The following NPAS2 variants were observed in gnomAD, a reference collection of about 807,000 sequenced individuals.
NPAS2 encodes neuronal PAS domain-containing protein 2.
Under a neutral mutation model 107.5 loss-of-function variants are expected in NPAS2, and 23 were observed. That is an observed-to-expected ratio of 0.21 (90% confidence interval 0.15 to 0.30). The LOEUF is 0.30. Among genes scored for constraint, NPAS2 ranks in the 10% least tolerant of loss-of-function variants. The probability of loss-of-function intolerance (pLI) is 1.00; values close to 1 mark genes in which losing one functional copy is unlikely to be tolerated. For synonymous variants in NPAS2, 403 were observed against 417.5 expected, an observed-to-expected ratio of 0.97 and a Z score of 0.42; for missense variants, 756 against 1,043.3, an observed-to-expected ratio of 0.72 and a Z score of 3.79.
At chr2:100,870,931 G>C (rs1487217492) in intron 1 of NPAS2, among the ~76,000 whole-genome samples, 1 of 152,198 alleles carries the variant, frequency 6.6e-6, no homozygotes, top group Non-Finnish European at 1.5e-5. Flanking sequence ...TGGCACCTTG[G>C]ACTTTGGACC....
chr2:100,945,110 G>T (rs187283304), intron 5 of NPAS2, among the ~76,000 whole-genome samples: 1 of 152,350 alleles, frequency 6.6e-6, no homozygotes, highest in East Asian at 1.9e-4. Context: ...GAGAAAGCCA[G>T]AATGAGAAAT....
intron 2 of NPAS2, among the ~76,000 whole-genome samples, chr2:100,916,592 A>G (rs951071182): frequency 2.0e-5 from 3 of 152,210 alleles, no homozygotes; most frequent in Non-Finnish European, 2.9e-5. Context: ...ACAAAGCTTC[A>G]AAGTACAGGA....
intron 1 of NPAS2, chr2:100,877,924 A>G: frequency 3.1e-6 from 3 of 969,794 alleles, no homozygotes; most frequent in African/African-American, 1.8e-5. Context: ...TGAAATTATC[A>G]AACAGTAAAC....
At chr2:100,963,240 G>A (rs960477483) in intron 7 of NPAS2, among the ~76,000 whole-genome samples, 1 of 152,328 alleles carries the variant, frequency 6.6e-6, no homozygotes, top group East Asian at 1.9e-4. Flanking sequence ...CCAAGACAGG[G>A]GCAGGGAAGG....
At chr2:100,958,545 G>A (rs998741002) in intron 7 of NPAS2, among the ~76,000 whole-genome samples, 1 of 152,274 alleles carries the variant, frequency 6.6e-6, no homozygotes, top group Non-Finnish European at 1.5e-5. Context: ...TGCTGCCAGA[G>A]AGATCGCAGG....
At chr2:100,883,639 C>T (rs1195184897) in intron 1 of NPAS2, among the ~76,000 whole-genome samples, 1 of 152,118 alleles carries the variant, frequency 6.6e-6, no homozygotes, top group African/African-American at 2.4e-5. Flanking sequence ...GTTCTTAGCA[C>T]CCTTCCCCAT....
chr2:100,860,264 G>A (rs930160869), intron 1 of NPAS2, among the ~76,000 whole-genome samples: 1 of 152,282 alleles, frequency 6.6e-6, no homozygotes, highest in African/African-American at 2.4e-5. Context: ...TTTGTCTTAT[G>A]TGTTCTAATG....
rs1558921855 is a variant in NPAS2, at chr2:100,968,533, G to T, written c.1055+105G>T. The T allele has an allele frequency of 9.0e-7, 1 of 1,106,158 alleles. No individual in the cohort carries two copies. The highest frequency in any genetic ancestry group is 1.6e-5 in the African/African-American group (1 of 63,678). The allele number at this position is 1,106,158 out of a possible 1,614,324, so 68.5% of individuals were successfully genotyped here. ...CCAAGTCAGATCAGCAGTCACTCAG[G>T]TGTTCCCCATTTCGAAGATGAAGCC... On this transcript the variant is annotated intron_variant, in intron 11 of 20. Transcript: ENST00000335681. The surrounding 1 kb of genome is among the most constrained non-coding windows in gnomAD (Gnocchi z 5.3).
intron 1 of NPAS2, among the ~76,000 whole-genome samples, chr2:100,895,680 C>A (rs967790905): frequency 6.6e-6 from 1 of 152,142 alleles, no homozygotes; most frequent in African/African-American, 2.4e-5. Context: ...GGTCTGTTTA[C>A]TGGGCCTGGC....
chr2:100,888,584 A>T (rs996102109), intron 1 of NPAS2, among the ~76,000 whole-genome samples: 2 of 152,138 alleles, frequency 1.3e-5, no homozygotes, highest in African/African-American at 2.4e-5. Context: ...AAATATTGCT[A>T]TATTGCTGCC....
chr2:100,888,830 T>C (rs1164171543), intron 1 of NPAS2, among the ~76,000 whole-genome samples: 1 of 152,160 alleles, frequency 6.6e-6, no homozygotes, highest in East Asian at 1.9e-4. Context: ...TCTTGGACTC[T>C]CCTTGACACC....
chr2:100,835,494 G>A (rs1677001114), intron 1 of NPAS2, among the ~76,000 whole-genome samples: 1 of 152,190 alleles, frequency 6.6e-6, no homozygotes, highest in Admixed American at 6.5e-5. Context: ...GGAGGAGGCT[G>A]CGTGTGAAAG....
intron 1 of NPAS2, among the ~76,000 whole-genome samples, chr2:100,831,526 G>T (rs558289231): frequency 6.6e-6 from 1 of 152,212 alleles, no homozygotes; most frequent in South Asian, 2.1e-4. Context: ...TGCTGAGAAC[G>T]ATTGCTCTGC....
chr2:100,852,038 C>T (rs556724046), intron 1 of NPAS2, among the ~76,000 whole-genome samples: 74 of 152,276 alleles, frequency 4.9e-4, no homozygotes, highest in African/African-American at 1.7e-3. Context: ...TGGTGTTGTG[C>T]TCCCATTTTG....
At chr2:100,897,608 G>T (rs1465972285) in intron 1 of NPAS2, among the ~76,000 whole-genome samples, 4 of 152,058 alleles carry the variant, frequency 2.6e-5, no homozygotes. Context: ...ACTCCCTTCA[G>T]GTCACAGCTC....
chr2:100,912,248 ATTTAT>A (rs1558865680), intron 2 of NPAS2, among the ~76,000 whole-genome samples: 1 of 117,936 alleles, frequency 8.5e-6, no homozygotes. Flanking sequence ...TTATTTATTT[ATTTAT>A]TTATTATTAT....
chr2:100,903,603 G>A (rs1395953023), intron 1 of NPAS2, among the ~76,000 whole-genome samples: 6 of 152,222 alleles, frequency 3.9e-5, no homozygotes, highest in East Asian at 1.9e-4. Flanking sequence ...CATTTGCGAA[G>A]TGCTGGTTTG....
At chr2:100,873,445 A>G (rs11904011) in intron 1 of NPAS2, among the ~76,000 whole-genome samples, 7,602 of 150,184 alleles carry the variant, frequency 0.051, 646 homozygotes, top group African/African-American at 0.17. Flanking sequence ...AGTATGATTC[A>G]TTTTCTCAAT....
chr2:100,836,673 T>C (rs2104396908), intron 1 of NPAS2, among the ~76,000 whole-genome samples: 2 of 152,322 alleles, frequency 1.3e-5, no homozygotes, highest in Middle Eastern at 6.8e-3. Flanking sequence ...TCTTCTTTCT[T>C]CCGTACGCAC....
Sources: gnomAD v4.1 joint callset for allele counts (sites outside exome capture counted in the v4.1 genomes callset) on GRCh38, gnomAD v4.1.1 for gene constraint, Gnocchi (gnomAD v3.1) non-coding constraint, MANE v1.5 for transcripts, NCBI Gene and HGNC (gene_info 2026-07-23, HGNC 2026-07-21) for gene names.